PLSCR2: variants seen among roughly 807,000 people sequenced by gnomAD.
The protein encoded by PLSCR2 is phospholipid scramblase 2.
A neutral mutation model predicts 25.3 loss-of-function variants in PLSCR2; 18 were observed. The ratio of observed to expected loss-of-function variants is 0.71; its 90% CI spans 0.49 to 1.06. The LOEUF (loss-of-function observed/expected upper bound fraction) is 1.06, where lower values mean the gene tolerates loss of function less well. Ranked by LOEUF, PLSCR2 falls within the 50% of genes least tolerant of loss-of-function variation. PLSCR2 has a pLI of 0.00. For synonymous variants in PLSCR2, 88 were observed against 87.3 expected, an observed-to-expected ratio of 1.01 and a Z score of -0.04; for missense variants, 243 against 269.5, an observed-to-expected ratio of 0.90 and a Z score of 0.69.
At chr3:146,488,482 G>GA (rs1266408403) in intron 1 of PLSCR2, among the ~76,000 whole-genome samples, 7 of 151,626 alleles carry the variant, frequency 4.6e-5, no homozygotes. Context: ...AAATTTACAA[G>GA]AAAAAAACCA....
intron 2 of PLSCR2, among the ~76,000 whole-genome samples, chr3:146,421,073 A>T (rs2039133251): frequency 6.6e-6 from 1 of 152,060 alleles, no homozygotes; most frequent in Non-Finnish European, 1.5e-5. Context: ...CATGGAAGGA[A>T]AGTGGAGAGT....
intron 1 of PLSCR2, among the ~76,000 whole-genome samples, chr3:146,481,800 G>A (rs761589528): frequency 5.3e-5 from 8 of 152,158 alleles, no homozygotes; most frequent in Non-Finnish European, 1.5e-5. Context: ...GAACAAAGCT[G>A]GAGGCATCAC....
intron 1 of PLSCR2, among the ~76,000 whole-genome samples, chr3:146,472,051 A>G (rs1423189637): frequency 2.6e-5 from 4 of 152,022 alleles, no homozygotes; most frequent in Non-Finnish European, 5.9e-5. Flanking sequence ...CTTTACGTCT[A>G]TTCCTTATTT....
chr3:146,492,154 A>G (rs1389756171), intron 1 of PLSCR2, among the ~76,000 whole-genome samples: 1 of 152,072 alleles, frequency 6.6e-6, no homozygotes, highest in East Asian at 1.9e-4. Context: ...TGACCTGGAA[A>G]CAGGCCTTCA....
At chr3:146,418,960 C>G (rs373787225) in intron 2 of PLSCR2, among the ~76,000 whole-genome samples, 1 of 152,104 alleles carries the variant, frequency 6.6e-6, no homozygotes, top group Non-Finnish European at 1.5e-5. Context: ...AAAAGGTTGT[C>G]CAGCCATTCC....
intron 6 of PLSCR2, 75 bp from the exon 7 acceptor site, chr3:146,441,896 C>A (rs1482105935): frequency 3.4e-6 from 3 of 890,772 alleles, no homozygotes; most frequent in South Asian, 1.5e-5. Context: ...GCTAAGGGAT[C>A]TGATGAAACA....
chr3:146,416,421 A>C (rs1394384473), intron 2 of PLSCR2: 3 of 152,168 alleles, frequency 2.0e-5, no homozygotes, highest in Non-Finnish European at 2.9e-5. Context: ...CACAGTCAAA[A>C]TTTTTTATAA....
At chr3:146,493,743 T>A (rs2043638489) in intron 1 of PLSCR2, among the ~76,000 whole-genome samples, 1 of 151,584 alleles carries the variant, frequency 6.6e-6, no homozygotes, top group Non-Finnish European at 1.5e-5. Flanking sequence ...TCCAACAAAT[T>A]TCTTTGATTT....
chr3:146,444,496 C>A (rs764075689), intron 6 of PLSCR2, among the ~76,000 whole-genome samples: 23 of 151,384 alleles, frequency 1.5e-4, no homozygotes, highest in Non-Finnish European at 2.5e-4. Context: ...GCAAAATTGA[C>A]CCCTGTATCA....
downstream of PLSCR2, among the ~76,000 whole-genome samples, chr3:146,428,824 A>G (rs375211953): frequency 2.0e-5 from 3 of 152,224 alleles, no homozygotes; most frequent in African/African-American, 7.2e-5. Context: ...AATATTCATC[A>G]TGGGGTTCAG....
intron 1 of PLSCR2, among the ~76,000 whole-genome samples, chr3:146,478,601 A>T (rs886918926): frequency 1.3e-5 from 2 of 152,234 alleles, no homozygotes; most frequent in African/African-American, 4.8e-5. Context: ...ATGTGAAAAG[A>T]CTAAATCTAC....
At chr3:146,397,757 T>C (rs2038322512) in intron 2 of PLSCR2, among the ~76,000 whole-genome samples, 1 of 152,120 alleles carries the variant, frequency 6.6e-6, no homozygotes, top group Non-Finnish European at 1.5e-5. Context: ...AAAAATGGCT[T>C]TGGATTCCAG....
chr3:146,491,682 T>C (rs142030673), intron 1 of PLSCR2, among the ~76,000 whole-genome samples: 250 of 152,330 alleles, frequency 1.6e-3, no homozygotes, highest in African/African-American at 5.8e-3. Flanking sequence ...CTGAAGTGAA[T>C]TTTTTATTTC....
At chr3:146,491,782 C>G (rs1172749931) in intron 1 of PLSCR2, among the ~76,000 whole-genome samples, 1 of 152,128 alleles carries the variant, frequency 6.6e-6, no homozygotes, top group East Asian at 1.9e-4. Flanking sequence ...GGGTTTCAAA[C>G]TGCTTCTGTA....
upstream of PLSCR2, among the ~76,000 whole-genome samples, chr3:146,463,294 G>A (rs539124591): frequency 2.0e-3 from 305 of 151,928 alleles, no homozygotes; most frequent in Non-Finnish European, 3.4e-3. Flanking sequence ...CTCCTGTCTC[G>A]GACTCCGGAG....
intron 5 of PLSCR2, among the ~76,000 whole-genome samples, chr3:146,450,089 T>C (rs533477109): frequency 6.6e-6 from 1 of 152,178 alleles, no homozygotes; most frequent in Non-Finnish European, 1.5e-5. Flanking sequence ...GGTCATTATA[T>C]AGCATTGAAA....
At chr3:146,423,253 CT>C (rs2039215710) in intron 2 of PLSCR2, among the ~76,000 whole-genome samples, 1 of 138,976 alleles carries the variant, frequency 7.2e-6, no homozygotes, top group Non-Finnish European at 1.6e-5. Context: ...CTCTCTCTCT[CT>C]CTCTCTCTCT....
intron 1 of PLSCR2, among the ~76,000 whole-genome samples, chr3:146,470,934 A>T (rs2042094307): frequency 6.6e-6 from 1 of 152,214 alleles, no homozygotes; most frequent in Non-Finnish European, 1.5e-5. Context: ...TGATTAAGGA[A>T]GTTAAAATAT....
At chr3:146,432,167 T>G (rs2039570872), downstream of PLSCR2, among the ~76,000 whole-genome samples, 1 of 152,206 alleles carries the variant, frequency 6.6e-6, no homozygotes. Flanking sequence ...AATATCTGTA[T>G]GAACTTACCG....
Sources: allele counts gnomAD v4.1 joint callset (sites outside exome capture counted in the v4.1 genomes callset), GRCh38; gene constraint gnomAD v4.1.1; transcripts MANE v1.5; gene names NCBI Gene and HGNC (gene_info 2026-07-23, HGNC 2026-07-21).